The following NBAS variants were observed in gnomAD, a reference collection of about 807,000 sequenced individuals.
NBAS encodes the protein NBAS subunit of NRZ tethering complex.
A neutral mutation model predicts 302.5 loss-of-function variants in NBAS; 219 were observed. That is an observed-to-expected ratio of 0.72 (90% CI 0.65 to 0.81). NBAS has a LOEUF of 0.81. Among genes scored for constraint, NBAS ranks in the 30% least tolerant of loss-of-function variants. The pLI is 0.00. For synonymous variants in NBAS, 1,118 were observed against 1,021.6 expected, an observed-to-expected ratio of 1.09 and a Z score of -1.80; for missense variants, 2,932 against 2,841.6, an observed-to-expected ratio of 1.03 and a Z score of -0.72.
chr2:15,464,918 A>G (rs1413568247), intron 19 of NBAS, among the ~76,000 whole-genome samples: 1 of 152,182 alleles, frequency 6.6e-6, no homozygotes, highest in Non-Finnish European at 1.5e-5. Flanking sequence ...GGGCCTTTAC[A>G]TGGCACACTG....
chr2:15,488,638 T>C (rs1002264586), intron 12 of NBAS, among the ~76,000 whole-genome samples: 4 of 152,056 alleles, frequency 2.6e-5, no homozygotes, highest in African/African-American at 7.2e-5. Flanking sequence ...AGGGAAAAAA[T>C]GAAGAGTTTA....
At chr2:15,412,687 G>C (rs1235674401) in intron 25 of NBAS, among the ~76,000 whole-genome samples, 1 of 152,076 alleles carries the variant, frequency 6.6e-6, no homozygotes, top group Non-Finnish European at 1.5e-5. Flanking sequence ...GTGATATAAA[G>C]CATCATAATA....
At chr2:15,467,619 G>C in intron 18 of NBAS, 45 bp downstream of exon 18, 6 of 1,561,010 alleles carry the variant, frequency 3.8e-6, no homozygotes, top group Non-Finnish European at 5.3e-6. Flanking sequence ...GAAATGATTA[G>C]TTATTTTAAA....
At chr2:15,160,755 C>T in the NBAS span, among the ~76,000 whole-genome samples, 1 of 152,194 alleles carries the variant, frequency 6.6e-6, no homozygotes, top group Non-Finnish European at 1.5e-5. Flanking sequence ...ACAGATTGAG[C>T]TCAGACAGAT....
chr2:15,285,531 G>A (rs747457328), intron 42 of NBAS, among the ~76,000 whole-genome samples: 9 of 152,002 alleles, frequency 5.9e-5, no homozygotes, highest in South Asian at 2.1e-4. Context: ...ATCTATGTGC[G>A]TATGACTCCC....
At position 15,561,217 on chromosome 2, in the gene NBAS, T is replaced by A; in HGVS notation, c.88A>T (p.Thr30Ser). ...ACTTCAGTCTCCGGTGGCCACTCGG[T>A]GTTGACCAACAAGTCATAGAGAATC... ...ETILYDLLVN[T>S]EWPPETEVQP... is the part of the protein sequence containing the mutation. Residue 30 changes from threonine (T) to serine (S), a missense_variant, in exon 1 of 52, where the codon ACC (threonine) becomes TCC (serine). Physicochemically the swap from Thr to Ser is moderately conservative, Grantham distance 58 (BLOSUM62 1). Transcript: ENST00000281513. 1 of 1,613,982 alleles carries A rather than the reference T, an allele frequency of 6.2e-7. No homozygotes were observed. The highest frequency in any genetic ancestry group is 8.5e-7 in the Non-Finnish European group (1 of 1,180,016).
intron 48 of NBAS, among the ~76,000 whole-genome samples, chr2:15,201,179 A>G (rs989685150): frequency 6.6e-6 from 1 of 152,202 alleles, no homozygotes; most frequent in African/African-American, 2.4e-5. Context: ...AGACTCATAT[A>G]ATGACACTTG....
the NBAS span, among the ~76,000 whole-genome samples, chr2:15,031,299 T>G: frequency 6.6e-6 from 1 of 152,234 alleles, no homozygotes; most frequent in Non-Finnish European, 1.5e-5. Flanking sequence ...TTAGCATCTC[T>G]AAGCCTCAAT....
At chr2:15,552,601 A>C (rs1246896581) in intron 5 of NBAS, among the ~76,000 whole-genome samples, 1 of 152,166 alleles carries the variant, frequency 6.6e-6, no homozygotes, top group Non-Finnish European at 1.5e-5. Flanking sequence ...TTTCTTTCAT[A>C]ACTGATATAC....
At chr2:14,914,089 C>G in the NBAS span, among the ~76,000 whole-genome samples, 1 of 152,142 alleles carries the variant, frequency 6.6e-6, no homozygotes, top group East Asian at 1.9e-4. Context: ...AGGGGAAACC[C>G]CTTATAAAAT....
chr2:14,896,402 CTG>C, the NBAS span, among the ~76,000 whole-genome samples: 1 of 152,126 alleles, frequency 6.6e-6, no homozygotes, highest in Non-Finnish European at 1.5e-5. Flanking sequence ...CGGTTTTATT[CTG>C]TTTCTCACAG....
the NBAS span, among the ~76,000 whole-genome samples, chr2:15,114,494 T>C: frequency 6.6e-6 from 1 of 152,206 alleles, no homozygotes; most frequent in Non-Finnish European, 1.5e-5. Context: ...TTCTGAAGTA[T>C]TCGAGGTTAG....
intron 32 of NBAS, among the ~76,000 whole-genome samples, chr2:15,361,551 G>A (rs898758174): frequency 3.3e-5 from 5 of 151,854 alleles, no homozygotes; most frequent in Non-Finnish European, 5.9e-5. Flanking sequence ...GATTAAATTC[G>A]GAATGTTATT....
At chr2:14,795,784 GAT>G in the NBAS span, among the ~76,000 whole-genome samples, 8,093 of 152,172 alleles carry the variant, frequency 0.053, 227 homozygotes, top group Non-Finnish European at 0.059. Flanking sequence ...CTACCTAGCA[GAT>G]ATGAGTAGCA....
chr2:14,956,117 C>T, the NBAS span, among the ~76,000 whole-genome samples: 2 of 152,166 alleles, frequency 1.3e-5, no homozygotes, highest in Admixed American at 1.3e-4. Context: ...CCACAGATCT[C>T]TAGGGCAGGG....
At chr2:15,077,820 G>T in the NBAS span, among the ~76,000 whole-genome samples, 4 of 151,738 alleles carry the variant, frequency 2.6e-5, no homozygotes, top group Non-Finnish European at 5.9e-5. Context: ...AGTAGCTGGG[G>T]TTATAGGCAC....
intron 35 of NBAS, among the ~76,000 whole-genome samples, chr2:15,347,789 A>T (rs1462909367): frequency 6.6e-6 from 1 of 152,232 alleles, no homozygotes. Flanking sequence ...ACCAACATTA[A>T]TAAGAAATTG....
chr2:14,912,703 T>TAAAAAA, the NBAS span, among the ~76,000 whole-genome samples: 267 of 78,442 alleles, frequency 3.4e-3, 4 homozygotes, highest in South Asian at 0.011. Context: ...CATTCATTTT[T>TAAAAAA]AAAAAAAAAA....
At chr2:15,222,536 C>T (rs1490109198) in intron 47 of NBAS, among the ~76,000 whole-genome samples, 1 of 152,176 alleles carries the variant, frequency 6.6e-6, no homozygotes, top group Non-Finnish European at 1.5e-5. Flanking sequence ...TGAAGGTTTA[C>T]TATGCACCAT....
Sources: gnomAD v4.1 joint callset for allele counts (sites outside exome capture counted in the v4.1 genomes callset) on GRCh38, gnomAD v4.1.1 for gene constraint, MANE v1.5 for transcripts, NCBI Gene and HGNC (gene_info 2026-07-23, HGNC 2026-07-21) for gene names.